The following PLA2G4D variants were observed in gnomAD, a reference collection of about 807,000 sequenced individuals.
PLA2G4D encodes cytosolic phospholipase A2 delta.
A neutral mutation model predicts 94.4 loss-of-function variants in PLA2G4D; 80 were observed. The observed-to-expected ratio is 0.85, with a 90% CI of 0.71 to 1.02. The LOEUF is 1.02. Ranked by LOEUF, PLA2G4D falls within the 50% of genes least tolerant of loss-of-function variation. PLA2G4D has a pLI of 0.00. For missense variants in PLA2G4D, 1,050 were observed against 1,034.7 expected, an observed-to-expected ratio of 1.01 and a Z score of -0.20; for synonymous variants, 438 against 440.9, an observed-to-expected ratio of 0.99 and a Z score of 0.08.
intron 1 of PLA2G4D, among the ~76,000 whole-genome samples, chr15:42,090,160 A>T (rs1169780146): frequency 6.6e-6 from 1 of 152,138 alleles, no homozygotes; most frequent in East Asian, 1.9e-4. Flanking sequence ...AAGTCACTAA[A>T]CTTCTCTGTG....
chr15:42,076,215 A>T (rs1271161778), intron 13 of PLA2G4D, among the ~76,000 whole-genome samples: 1 of 152,194 alleles, frequency 6.6e-6, no homozygotes, highest in Non-Finnish European at 1.5e-5. Context: ...GTGGAGAAAA[A>T]ATTCAATAGA....
chr15:42,090,585 C>T (rs931100002), intron 1 of PLA2G4D, among the ~76,000 whole-genome samples: 1 of 152,164 alleles, frequency 6.6e-6, no homozygotes, highest in Non-Finnish European at 1.5e-5. Context: ...TGGGGTAATG[C>T]AGGAGGTCAG....
At position 42,087,691 on chromosome 15, in the gene PLA2G4D, A is replaced by G; in HGVS notation, c.55T>C (p.Ser19Pro). 1 of 1,614,110 alleles carries G rather than the reference A, an allele frequency of 6.2e-7. No individual in the cohort carries two copies. The highest frequency in any genetic ancestry group is 8.5e-7 in the Non-Finnish European group (1 of 1,179,994). ...CTCACTGTGAGCTGCCAGCAGGTAG[A>G]GGCCTCCCCCTGAAGAGAAAATCAA... ...PPGHPYQGEA[S>P]TCWQLTVRVL... The change falls in exon 2 of 20, where the codon TCT becomes CCT. Residue 19 changes from serine (S) to proline (P), a missense_variant. Ser to Pro is a moderately conservative substitution (Grantham distance 74, BLOSUM62 -1). Transcript: ENST00000290472.
intron 14 of PLA2G4D, 76 bp downstream of exon 14, chr15:42,072,199 G>T: frequency 7.5e-7 from 1 of 1,329,620 alleles, no homozygotes; most frequent in Non-Finnish European, 1.1e-6. Flanking sequence ...CTTCCAGCAT[G>T]AATTCTCTGG....
intron 1 of PLA2G4D, among the ~76,000 whole-genome samples, chr15:42,093,435 G>A (rs922973390): frequency 3.9e-5 from 6 of 152,332 alleles, no homozygotes; most frequent in South Asian, 4.1e-4. Context: ...ACAATGGGCC[G>A]TTCTGGGCTC....
In PLA2G4D at chr15:42,086,194, T is replaced by TGGGGGGGGGGGGGGCGCC; in HGVS notation, c.387+18_387+19insGGCGCCCCCCCCCCCCCC. The TGGGGGGGGGGGGGGCGCC allele has an allele frequency of 1.5e-6, 2 of 1,370,444 alleles. No homozygotes were observed. The highest frequency in any genetic ancestry group is 1.9e-6 in the Non-Finnish European group (2 of 1,043,084). The allele number at this position is 1,370,444 out of a possible 1,614,324, so 84.9% of individuals were successfully genotyped here. ...GGAAGAAGTGGGGCCCACGGGGACT[T>TGGGGGGGGGGGGGGCGCC]CCCCACCCACCCACCCACCTGGGGA... On this transcript the variant is annotated intron_variant, in intron 4 of 19. Transcript: ENST00000290472.
intron 4 of PLA2G4D, 127 bp from the exon 5 acceptor site, chr15:42,085,658 T>C: frequency 1.1e-6 from 1 of 900,148 alleles, no homozygotes; most frequent in Non-Finnish European, 1.8e-6. Flanking sequence ...GTACAATTAT[T>C]TCCAATTTAT....
chr15:42,084,974 G>A lies in PLA2G4D; in HGVS notation c.471+122C>T. On this transcript the variant is annotated intron_variant, in intron 6 of 19. Coordinates refer to ENST00000290472, the MANE Select transcript of PLA2G4D (RefSeq NM_178034.4). This position sits in a 1 kb window ranked among gnomAD's most constrained non-coding sequence, Gnocchi z 4.8. ...TGACCACCTGGCTGGAAGGCTAGGG[G>A]TGGTTTTACCACGAAGCCCTGCCCC... 2 of 1,131,430 alleles carry A rather than the reference G, an allele frequency of 1.8e-6. No homozygotes were observed. The highest frequency in any genetic ancestry group is 2.6e-6 in the Non-Finnish European group (2 of 768,380). The allele number at this position is 1,131,430 out of a possible 1,614,324, so 70.1% of individuals were successfully genotyped here.
rs1335494163 is a variant in PLA2G4D at position 42,072,300 on chromosome 15, G to A, written c.1410C>T (p.Asn470=). The A allele has an allele frequency of 1.2e-6, 2 of 1,613,946 alleles. No individual in the cohort carries two copies. Among genetic ancestry groups the A allele is most frequent in the Non-Finnish European group, 8.5e-7 (1 of 1,179,988 alleles). ...PLYLSLNVKE[N]NLETLDFKEW... ...CCTTGAAGTCCAGTGTCTCCAGATTGTTCTCTTTGACATTGAGGCTCAAGT... is the reference window on the plus strand; with the variant it reads ...CCTTGAAGTCCAGTGTCTCCAGATTATTCTCTTTGACATTGAGGCTCAAGT... Residue 470 remains asparagine, a synonymous_variant, in exon 14 of 20, where the codon AAC becomes AAT. Transcript: ENST00000290472.
At chr15:42,083,864 C>A in intron 6 of PLA2G4D, 85 bp from the exon 7 acceptor site, 1 of 1,337,706 alleles carries the variant, frequency 7.5e-7, no homozygotes, top group Non-Finnish European at 1.1e-6. Context: ...CCCACTGTCC[C>A]AAATCCACCA....
At chr15:42,082,242 TCTTA>T (rs1890051800) in intron 9 of PLA2G4D, 33 bp downstream of exon 9, 4 of 1,539,638 alleles carry the variant, frequency 2.6e-6, no homozygotes, top group Non-Finnish European at 3.6e-6. Context: ...TTATCTTCAT[TCTTA>T]CTGGCATTTC....
intron 13 of PLA2G4D, among the ~76,000 whole-genome samples, chr15:42,072,818 C>T (rs1889854727): frequency 6.6e-6 from 1 of 152,174 alleles, no homozygotes; most frequent in South Asian, 2.1e-4. Flanking sequence ...GATGGACTGC[C>T]CCCTCTTCTA....
chr15:42,085,982 T>C (rs550689826), intron 4 of PLA2G4D, among the ~76,000 whole-genome samples: 1 of 152,332 alleles, frequency 6.6e-6, no homozygotes, highest in Non-Finnish European at 1.5e-5. Context: ...TTTTGAGGGG[T>C]GGCCTTCCTG....
chr15:42,080,536 T>A (rs530945633), intron 12 of PLA2G4D, among the ~76,000 whole-genome samples: 30 of 152,198 alleles, frequency 2.0e-4, no homozygotes, highest in African/African-American at 4.6e-4. Flanking sequence ...TTAAATGCAA[T>A]AATAACAATG....
intron 13 of PLA2G4D, among the ~76,000 whole-genome samples, chr15:42,076,175 G>A (rs977042338): frequency 2.0e-5 from 3 of 152,046 alleles, no homozygotes; most frequent in Non-Finnish European, 2.9e-5. Context: ...TATGAAACCT[G>A]ATACATGACA....
In PLA2G4D at chr15:42,087,619, G is replaced by A. The variant is rs776944135; in HGVS notation, c.118+9C>T. 3 of 1,614,120 alleles carry A rather than the reference G, an allele frequency of 1.9e-6. No individual in the cohort carries two copies. The highest frequency in any genetic ancestry group is 2.2e-5 in the East Asian group (1 of 44,888). On this transcript the variant is annotated intron_variant, in intron 2 of 19. Transcript: ENST00000290472. ...TGCTCCCGACAGAGCGCACAGGGCG[G>A]TTACTCACACAGGTCAGCCCAGCGC...
In PLA2G4D at chr15:42,083,288, C is replaced by T. The variant is rs1225679582; in HGVS notation, c.582G>A (p.Glu194=). 1 of 1,614,106 alleles carries T rather than the reference C, an allele frequency of 6.2e-7. No individual in the cohort carries two copies. Among genetic ancestry groups the T allele is most frequent in the Non-Finnish European group, 8.5e-7 (1 of 1,179,996 alleles). The change falls in exon 8 of 20, where the codon GAG becomes GAA. Residue 194 remains glutamate, a synonymous_variant. Coordinates refer to ENST00000290472, the MANE Select transcript of PLA2G4D (RefSeq NM_178034.4). ...ELELVLKGSY[E]DTQTSFLGTA... is the part of the protein sequence containing the mutation. ...TGCCCAGGAAGGATGTCTGTGTGTC[C>T]TCATAGGACCCCTTCAGCACCAGCT...
At position 42,086,194 on chromosome 15, in the gene PLA2G4D, T is replaced by TGGGGGGGGGGCGC; in HGVS notation, c.387+18_387+19insGCGCCCCCCCCCC. The TGGGGGGGGGGCGC allele has an allele frequency of 4.4e-6, 6 of 1,370,440 alleles. No individual in the cohort carries two copies. Among genetic ancestry groups the TGGGGGGGGGGCGC allele is most frequent in the Non-Finnish European group, 5.8e-6 (6 of 1,043,080 alleles). The allele number at this position is 1,370,440 out of a possible 1,614,324, so 84.9% of individuals were successfully genotyped here. On this transcript the variant is annotated intron_variant, in intron 4 of 19. Coordinates refer to ENST00000290472, the MANE Select transcript of PLA2G4D (RefSeq NM_178034.4). Reference sequence around the variant, plus strand: ...GGAAGAAGTGGGGCCCACGGGGACTTCCCCACCCACCCACCCACCTGGGGA... The same window carrying TGGGGGGGGGGCGC: ...GGAAGAAGTGGGGCCCACGGGGACTTGGGGGGGGGGCGCCCCCACCCACCCACCCACCTGGGGA...
chr15:42,083,943 C>A (rs904105369), intron 6 of PLA2G4D, 164 bp from the exon 7 acceptor site: 2 of 651,168 alleles, frequency 3.1e-6, no homozygotes, highest in East Asian at 5.6e-5. Context: ...ATTGCCGATC[C>A]TCTGCCGCGG....
Sources: allele counts gnomAD v4.1 joint callset (sites outside exome capture counted in the v4.1 genomes callset), GRCh38; gene constraint gnomAD v4.1.1; non-coding constraint Gnocchi (gnomAD v3.1); transcripts MANE v1.5; gene names NCBI Gene and HGNC (gene_info 2026-07-23, HGNC 2026-07-21).